Variants in SIGLEC15 observed in about 807,000 individuals in gnomAD.
The protein encoded by SIGLEC15 is sialic acid-binding Ig-like lectin 15.
A neutral mutation model predicts 26.2 loss-of-function variants in SIGLEC15; 31 were observed. That is an observed-to-expected ratio of 1.18 (90% CI 0.89 to 1.60). The LOEUF is 1.60. Ranked by LOEUF, SIGLEC15 falls within the 40% of genes most tolerant of loss-of-function variation. The pLI is 0.00. For synonymous variants in SIGLEC15, 207 were observed against 221.9 expected (o/e 0.93, Z 0.60); for missense variants, 501 against 488.4 (o/e 1.03, Z -0.24).
At chr18:45,841,960 A>G (rs1226144091) in intron 5 of SIGLEC15, 146 bp from the exon 6 acceptor site, 2 of 743,830 alleles carry the variant, frequency 2.7e-6, no homozygotes, top group African/African-American at 3.5e-5. Context: ...CCAGCCTCCG[A>G]TGCCATTCAT....
rs777969239 is a variant in SIGLEC15, at chr18:45,837,862, C to T, written c.462C>T (p.Tyr154=). The part of the protein sequence containing the change: ...VEFAGDVHDR[Y]ESRHGVRLHV... ...TCGCCGGCGACGTCCATGACCGCTA[C>T]GAGAGCCGCCACGGCGTCCGGCTGC... Residue 154 remains tyrosine (Y), a synonymous_variant, in exon 3 of 6, where the codon TAC becomes TAT. Transcript: ENST00000389474. 1.0e-5 allele frequency: 16 copies of T among 1,534,450 alleles called. No homozygotes were observed. The highest frequency in any genetic ancestry group is 9.6e-5 in the Admixed American group (5 of 52,354).
intron 1 of SIGLEC15, 108 bp from the exon 2 acceptor site, chr18:45,836,921 C>T: frequency 1.4e-6 from 1 of 709,120 alleles, no homozygotes. Flanking sequence ...GTGAGGCGAT[C>T]CTGAACGCTG....
At chr18:45,829,223 A>G (rs377088993) in intron 1 of SIGLEC15, 1 of 907,636 alleles carries the variant, frequency 1.1e-6, no homozygotes, top group Non-Finnish European at 1.3e-6. Context: ...AGCCTGCGGC[A>G]GAGGCATGGG....
At chr18:45,834,970 C>T (rs1392371732) in intron 1 of SIGLEC15, among the ~76,000 whole-genome samples, 1 of 151,968 alleles carries the variant, frequency 6.6e-6, no homozygotes, top group Non-Finnish European at 1.5e-5. Flanking sequence ...CAGGGTTTCT[C>T]AAATTTGGAG....
intron 1 of SIGLEC15, among the ~76,000 whole-genome samples, chr18:45,826,597 A>G (rs886865612): frequency 5.9e-5 from 9 of 152,166 alleles, no homozygotes; most frequent in Non-Finnish European, 1.0e-4. Flanking sequence ...TCCAGATCCC[A>G]GTCCTTACCC....
chr18:45,838,090 C>T (rs995606945), intron 3 of SIGLEC15, among the ~76,000 whole-genome samples, 194 bp downstream of exon 3: 1 of 152,212 alleles, frequency 6.6e-6, no homozygotes, highest in Non-Finnish European at 1.5e-5. Flanking sequence ...AATGCAGAAT[C>T]CAGGTCCCAG....
intron 1 of SIGLEC15, among the ~76,000 whole-genome samples, chr18:45,828,388 C>T (rs976951660): frequency 6.6e-6 from 1 of 152,066 alleles, no homozygotes; most frequent in Non-Finnish European, 1.5e-5. Flanking sequence ...CATAGCCTCC[C>T]AGGTCCTCCT....
At chr18:45,828,207 C>T (rs554562398) in intron 1 of SIGLEC15, among the ~76,000 whole-genome samples, 27 of 152,310 alleles carry the variant, frequency 1.8e-4, no homozygotes, top group Middle Eastern at 3.4e-3. Context: ...AACGCAGGCC[C>T]GCCAGTCGTG....
In SIGLEC15 at chr18:45,838,727, G is replaced by A. The variant is rs760385603; in HGVS notation, c.506G>A (p.Arg169Gln). The stretch of plus-strand genomic sequence containing the variant: ...GCCTTCTCCCCTGCAGCCGCGCCGC[G>A]GATCGTCAACATCTCGGTGCTGCCC... ...GVRLHVTAAPRIVNISVLPSP... is the reference protein window; with the variant it reads ...GVRLHVTAAPQIVNISVLPSP... Residue 169 changes from arginine to glutamine, a missense_variant, in exon 4 of 6, where the codon CGG becomes CAG. Coordinates refer to ENST00000389474, the MANE Select transcript of SIGLEC15 (RefSeq NM_213602.3). The A allele has an allele frequency of 1.9e-6, 3 of 1,576,962 alleles. No individual in the cohort carries two copies. The highest frequency in any genetic ancestry group is 2.6e-6 in the Non-Finnish European group (3 of 1,170,738).
intron 5 of SIGLEC15, 122 bp downstream of exon 5, chr18:45,840,363 AGGGGCTGG>A: frequency 8.7e-7 from 1 of 1,147,674 alleles, no homozygotes; most frequent in Non-Finnish European, 1.2e-6. Context: ...TACTTTGACC[AGGGGCTGG>A]GCCTTCCTTG....
chr18:45,825,924 T>C, intron 1 of SIGLEC15, 144 bp downstream of exon 1: 1 of 936,114 alleles, frequency 1.1e-6, no homozygotes, highest in Admixed American at 2.2e-5. Flanking sequence ...GCTTGGGGCC[T>C]GTGGTGCCAG....
chr18:45,842,052 A>G, intron 5 of SIGLEC15, 54 bp from the exon 6 acceptor site: 1 of 1,539,922 alleles, frequency 6.5e-7, no homozygotes. Context: ...TAGTTTGGGC[A>G]GTTGTGGACC....
At position 45,840,203 on chromosome 18, in the gene SIGLEC15, TCCCA is replaced by T. The variant is rs767733687; in HGVS notation, c.875-6_875-3del. The T allele has an allele frequency of 1.9e-6, 3 of 1,612,876 alleles. No individual in the cohort carries two copies. In the African/African-American group the frequency reaches 4.0e-5, roughly 22 times the overall value. On this transcript the variant is annotated splice_region_variant and splice_polypyrimidine_tract_variant and intron_variant, in intron 4 of 5. Coordinates refer to ENST00000389474, the MANE Select transcript of SIGLEC15 (RefSeq NM_213602.3). ...TTCATGCCTGCTCTCTTGCTGTCCC[TCCCA>T]CAGAGCATCTGGACACCCCGGACAC...
In SIGLEC15 at chr18:45,837,551, G is replaced by A. The variant is rs1017968982; in HGVS notation, c.151G>A (p.Glu51Lys). ...GCGCTGGTCCATGCAGGTGCCACCC[G>A]AGGTGAGCGCGGAGGCAGGCGACGC... ...AQRWSMQVPP[E>K]VSAEAGDAAV... The change falls in exon 3 of 6, where the codon GAG (glutamate) becomes AAG (lysine). Residue 51 changes from glutamate (E) to lysine (K), a missense_variant. By Grantham distance (56) the Glu-to-Lys change is moderately conservative (BLOSUM62 1). Coordinates refer to ENST00000389474, the MANE Select transcript of SIGLEC15 (RefSeq NM_213602.3). 4.0e-6 allele frequency: 6 copies of A among 1,517,476 alleles called. No homozygotes were observed. Among genetic ancestry groups the A allele is most frequent in the East Asian group, 5.2e-5 (2 of 38,692 alleles). The allele number at this position is 1,517,476 out of a possible 1,614,324, so 94.0% of individuals were successfully genotyped here. A position where few individuals can be genotyped will look rare whatever the true frequency, so the allele number is the denominator to read the frequency against.
Position 45,842,438 on chromosome 18 carries a change from T to TGAGAGA in SIGLEC15, c.*252_*253insAGAGAG, listed in dbSNP as rs201721171. ...GTGCATACGTCTGTGTGTGTGTGTG[T>TGAGAGA]GTGTGAGAGAGAGAGAGAGAGAGTA... On this transcript the variant is annotated 3_prime_UTR_variant, in exon 6 of 6. Coordinates refer to ENST00000389474, the MANE Select transcript of SIGLEC15 (RefSeq NM_213602.3). The TGAGAGA allele has an allele frequency of 1.0e-5, 5 of 496,966 alleles. No individual in the cohort carries two copies. Among genetic ancestry groups the TGAGAGA allele is most frequent in the East Asian group, 3.5e-5 (1 of 28,812 alleles). 30.8% of individuals were successfully genotyped at this position (496,966 alleles called of 1,614,324 possible).
intron 1 of SIGLEC15, among the ~76,000 whole-genome samples, chr18:45,829,334 T>G (rs528342159): frequency 7.2e-5 from 11 of 152,202 alleles, no homozygotes; most frequent in Non-Finnish European, 1.5e-5. Context: ...AGGGTCTGGT[T>G]TGTGCTGACA....
rs1041645000 is a variant in SIGLEC15 at position 45,842,182 on chromosome 18, C to A, written c.982C>A (p.Pro328Thr). ...PRSPPATMCSP is the reference protein window; with the variant it reads ...PRSPPATMCST ...GAGCCCACCAGCCACCATGTGCTCA[C>A]CGTGAGGAGTCCCTCAGCCACCAAC... is the stretch of plus-strand genomic sequence containing the variant. Residue 328 changes from proline (P) to threonine (T), a missense_variant, in exon 6 of 6, where the codon CCG (proline) becomes ACG (threonine). Coordinates refer to ENST00000389474, the MANE Select transcript of SIGLEC15 (RefSeq NM_213602.3). 9.9e-6 allele frequency: 16 copies of A among 1,614,036 alleles called. 2 individuals carry two copies. In the Admixed American group the frequency reaches 2.7e-4, roughly 27 times the overall value.
intron 1 of SIGLEC15, among the ~76,000 whole-genome samples, chr18:45,835,550 T>C (rs1005746092): frequency 3.3e-5 from 5 of 152,216 alleles, no homozygotes; most frequent in Non-Finnish European, 5.9e-5. Flanking sequence ...AAACTGGTGC[T>C]GATCTCATTT....
At chr18:45,836,971 C>G (rs1239254719) in intron 1 of SIGLEC15, 58 bp from the exon 2 acceptor site, 5 of 930,976 alleles carry the variant, frequency 5.4e-6, no homozygotes, top group Non-Finnish European at 8.9e-6. Flanking sequence ...AGTTACTCAA[C>G]TTCTCTGAGC....
Sources: allele counts gnomAD v4.1 joint callset (sites outside exome capture counted in the v4.1 genomes callset), GRCh38; gene constraint gnomAD v4.1.1; transcripts MANE v1.5; gene names NCBI Gene and HGNC (gene_info 2026-07-23, HGNC 2026-07-21).